Variants in DIAPH3 observed in about 807,000 individuals in gnomAD.
The protein encoded by DIAPH3 is protein diaphanous homolog 3.
DIAPH3 carries 117 observed loss-of-function variants against 144.3 expected under a neutral mutation model. The observed-to-expected ratio is 0.81, with a 90% CI of 0.70 to 0.95. DIAPH3 has a LOEUF of 0.95. DIAPH3 is among the 40% of genes least tolerant of loss of function. The pLI, the probability that DIAPH3 is intolerant of heterozygous loss-of-function variation, is 0.00. For missense variants in DIAPH3, 1,421 were observed against 1,412.7 expected, an observed-to-expected ratio of 1.01 and a Z score of -0.09; for synonymous variants, 519 against 488.9, an observed-to-expected ratio of 1.06 and a Z score of -0.81.
intron 3 of DIAPH3, among the ~76,000 whole-genome samples, chr13:60,104,999 G>C (rs991918274): frequency 6.7e-6 from 1 of 150,252 alleles, no homozygotes; most frequent in Non-Finnish European, 1.5e-5. Context: ...GGGAGGCTGA[G>C]GCAGGAGAAC....
At chr13:60,124,963 C>T (rs1566799447) in intron 2 of DIAPH3, among the ~76,000 whole-genome samples, 1 of 152,182 alleles carries the variant, frequency 6.6e-6, no homozygotes, top group Non-Finnish European at 1.5e-5. Context: ...TGGAGCCAAT[C>T]TGCCAGAGTT....
chr13:59,816,884 A>T (rs1566355904), intron 24 of DIAPH3, among the ~76,000 whole-genome samples: 1 of 151,802 alleles, frequency 6.6e-6, no homozygotes. Context: ...ATATGGTATA[A>T]ATTTATACCA....
chr13:59,987,497 A>G (rs1023631351), intron 12 of DIAPH3, among the ~76,000 whole-genome samples: 1 of 125,668 alleles, frequency 8.0e-6, no homozygotes, highest in African/African-American at 3.2e-5. Flanking sequence ...AAAGAAAAAA[A>G]AAAAAGACCA....
intron 22 of DIAPH3, among the ~76,000 whole-genome samples, chr13:59,843,228 C>T (rs1467168046): frequency 3.3e-5 from 5 of 152,054 alleles, no homozygotes; most frequent in Non-Finnish European, 5.9e-5. Context: ...TTCATTGTAC[C>T]GTATGGATAT....
rs2043635913 is a variant in DIAPH3, at chr13:59,862,219, T to A, written c.2608-683A>T. Reference sequence around the variant, plus strand: ...ACTCCAGAATTAAAGTGTATCTGTATTAGGGAAGGCATGTAGGGACATGGC... The same window carrying A: ...ACTCCAGAATTAAAGTGTATCTGTAATAGGGAAGGCATGTAGGGACATGGC... On this transcript the variant is annotated intron_variant, in intron 21 of 27. Transcript: ENST00000400324. Among the ~76,000 whole-genome samples, 4 of 152,196 alleles carry A rather than the reference T, an allele frequency of 2.6e-5. No homozygotes were observed. In the South Asian group the frequency reaches 8.3e-4, roughly 32 times the overall value.
At chr13:59,757,022 C>G (rs928788222) in intron 27 of DIAPH3, among the ~76,000 whole-genome samples, 1 of 152,106 alleles carries the variant, frequency 6.6e-6, no homozygotes, top group Non-Finnish European at 1.5e-5. Flanking sequence ...CCTCCTACTC[C>G]GTTTCTGGTT....
At chr13:60,029,628 C>T (rs1276121410) in intron 5 of DIAPH3, among the ~76,000 whole-genome samples, 1 of 152,192 alleles carries the variant, frequency 6.6e-6, no homozygotes, top group Non-Finnish European at 1.5e-5. Context: ...GAAGAAGGTG[C>T]CTGCTTCTCC....
chr13:59,735,517 A>G lies in DIAPH3; in HGVS notation c.3319+38672T>C, dbSNP rs144337258. On this transcript the variant is annotated intron_variant, in intron 27 of 27. Coordinates refer to ENST00000400324, the MANE Select transcript of DIAPH3 (RefSeq NM_001042517.2). ...TCTTGCAGGTATCTTTCACAGTACA[A>G]ACAAAACAAAGGCAATTCAAAAGAC... 2.5e-3 allele frequency among the ~76,000 whole-genome samples: 375 copies of G among 152,304 alleles called. 1 individual carries two copies. The highest frequency in any genetic ancestry group is 5.8e-3 in the South Asian group (28 of 4,826).
intron 27 of DIAPH3, among the ~76,000 whole-genome samples, chr13:59,751,952 C>A (rs541661823): frequency 6.6e-6 from 1 of 152,304 alleles, no homozygotes; most frequent in South Asian, 2.1e-4. Flanking sequence ...AGTAACACTT[C>A]TTAATGAGCC....
At chr13:60,109,493 G>C (rs2058509807) in intron 3 of DIAPH3, among the ~76,000 whole-genome samples, 1 of 150,320 alleles carries the variant, frequency 6.7e-6, no homozygotes, top group Non-Finnish European at 1.5e-5. Context: ...AAGCAAGATG[G>C]AGGAAAAGAG....
intron 17 of DIAPH3, among the ~76,000 whole-genome samples, chr13:59,958,870 T>A (rs1193864303): frequency 1.4e-5 from 2 of 140,848 alleles, no homozygotes; most frequent in Non-Finnish European, 3.1e-5. Context: ...CAATAAACTT[T>A]TTTTTTTTTT....
chr13:59,975,440 C>A (rs1320869845), intron 14 of DIAPH3, among the ~76,000 whole-genome samples: 1 of 151,998 alleles, frequency 6.6e-6, no homozygotes, highest in Non-Finnish European at 1.5e-5. Flanking sequence ...AAGCCAGATT[C>A]CCCGCCTTCA....
chr13:60,017,404 C>CAA (rs748877735), intron 5 of DIAPH3, among the ~76,000 whole-genome samples: 15 of 73,770 alleles, frequency 2.0e-4, no homozygotes, highest in East Asian at 8.0e-4. Flanking sequence ...AACTCCATCA[C>CAA]AAAAAAAAAA....
chr13:59,831,905 T>C (rs2041799659), intron 24 of DIAPH3, among the ~76,000 whole-genome samples: 1 of 151,864 alleles, frequency 6.6e-6, no homozygotes, highest in South Asian at 2.1e-4. Flanking sequence ...CATTTAATAC[T>C]GAAAACATTT....
chr13:60,064,334 T>C (rs2056879163), intron 4 of DIAPH3, among the ~76,000 whole-genome samples: 1 of 152,258 alleles, frequency 6.6e-6, no homozygotes, highest in South Asian at 2.1e-4. Context: ...TAAGGCTTTT[T>C]CATCTATATT....
chr13:59,984,666 A>G (rs1481942272), intron 12 of DIAPH3, among the ~76,000 whole-genome samples: 5 of 147,388 alleles, frequency 3.4e-5, no homozygotes, highest in African/African-American at 1.3e-4. Flanking sequence ...CAGAAATACA[A>G]ACTACCATCA....
At chr13:59,833,328 G>T in intron 23 of DIAPH3, 57 bp from the exon 24 acceptor site, 1 of 1,388,558 alleles carries the variant, frequency 7.2e-7, no homozygotes. Context: ...GGGGCAGGGG[G>T]AACTCTGTAA....
At chr13:60,121,078 C>A (rs891929514) in intron 2 of DIAPH3, among the ~76,000 whole-genome samples, 1 of 151,960 alleles carries the variant, frequency 6.6e-6, no homozygotes, top group Admixed American at 6.6e-5. Flanking sequence ...CATTAAATAA[C>A]AAAGGTAATG....
intron 5 of DIAPH3, among the ~76,000 whole-genome samples, chr13:60,019,881 A>G (rs2053895633): frequency 6.6e-6 from 1 of 151,396 alleles, no homozygotes; most frequent in African/African-American, 2.5e-5. Flanking sequence ...GCTCTCAAGT[A>G]TTTTTCCCAA....
Sources: gnomAD v4.1 joint callset for allele counts (sites outside exome capture counted in the v4.1 genomes callset) on GRCh38, gnomAD v4.1.1 for gene constraint, MANE v1.5 for transcripts, NCBI Gene and HGNC (gene_info 2026-07-23, HGNC 2026-07-21) for gene names.